Variants in FAM227B observed in about 807,000 individuals in gnomAD.
FAM227B encodes family with sequence similarity 227 member B.
A neutral mutation model predicts 73.8 loss-of-function variants in FAM227B; 88 were observed. The observed-to-expected ratio is 1.19, with a 90% CI of 1.00 to 1.42. FAM227B has a LOEUF of 1.42. Among genes scored for constraint, FAM227B ranks in the 40% most tolerant of loss-of-function variants. The pLI, the probability that FAM227B is intolerant of heterozygous loss-of-function variation, is 0.00. For missense variants in FAM227B, 632 were observed against 590.9 expected (o/e 1.07, Z -0.72); for synonymous variants, 210 against 190.5 (o/e 1.10, Z -0.84).
intron 9 of FAM227B, among the ~76,000 whole-genome samples, chr15:49,559,997 G>C (rs371482979): frequency 8.6e-5 from 13 of 151,370 alleles, no homozygotes; most frequent in African/African-American, 3.2e-4. Context: ...ACCACCAAAA[G>C]ATCACTCTAG....
At chr15:49,480,302 T>TTTAC (rs1385485755) in intron 11 of FAM227B, among the ~76,000 whole-genome samples, 1 of 151,954 alleles carries the variant, frequency 6.6e-6, no homozygotes, top group Non-Finnish European at 1.5e-5. Context: ...TCACCTTATT[T>TTTAC]TTATTTATTT....
At chr15:49,504,901 A>T (rs910112116) in intron 11 of FAM227B, among the ~76,000 whole-genome samples, 1 of 152,228 alleles carries the variant, frequency 6.6e-6, no homozygotes, top group Non-Finnish European at 1.5e-5. Context: ...CTAGATGTTT[A>T]TCAAAGAGAA....
At chr15:49,422,735 A>T (rs752761425) in intron 11 of FAM227B, 4 of 1,291,978 alleles carry the variant, frequency 3.1e-6, no homozygotes, top group Non-Finnish European at 4.3e-6. Context: ...AATACATAAA[A>T]ATTGTACTTA....
chr15:49,490,756 C>G (rs2057020062), intron 11 of FAM227B, among the ~76,000 whole-genome samples: 1 of 152,012 alleles, frequency 6.6e-6, no homozygotes, highest in Admixed American at 6.6e-5. Flanking sequence ...TACATATCAC[C>G]TTAATGATTC....
intron 11 of FAM227B, among the ~76,000 whole-genome samples, chr15:49,479,308 A>G (rs1165880098): frequency 6.6e-6 from 1 of 152,094 alleles, no homozygotes; most frequent in Non-Finnish European, 1.5e-5. Context: ...TTATGTCAAC[A>G]ATTTGATGCA....
chr15:49,386,422 CA>C (rs59999895), intron 11 of FAM227B, among the ~76,000 whole-genome samples: 12,583 of 151,612 alleles, frequency 0.083, 1,545 homozygotes, highest in African/African-American at 0.27. Flanking sequence ...ACAATGAAAT[CA>C]AGATGGAAAT....
At chr15:49,549,478 C>T (rs967897871) in intron 9 of FAM227B, among the ~76,000 whole-genome samples, 1 of 152,064 alleles carries the variant, frequency 6.6e-6, no homozygotes, top group African/African-American at 2.4e-5. Flanking sequence ...GTGGCCTGGC[C>T]TTCCACAGTG....
chr15:49,536,072 C>CAAAAAAAAAAAAAAAAAAGAAAAAAAAA (rs2070206492), intron 10 of FAM227B, among the ~76,000 whole-genome samples: 1 of 114,012 alleles, frequency 8.8e-6, no homozygotes. Flanking sequence ...GGCAATCAGA[C>CAAAAAAAAAAAAAAAAAAGAAAAAAAAA]AAAAAAAAAA....
intron 13 of FAM227B, among the ~76,000 whole-genome samples, chr15:49,362,499 AC>A (rs1435572577): frequency 2.0e-5 from 3 of 150,424 alleles, no homozygotes; most frequent in African/African-American, 7.3e-5. Context: ...ACCGACTAAT[AC>A]ACTTATAGAT....
intron 11 of FAM227B, among the ~76,000 whole-genome samples, chr15:49,444,793 T>A (rs187756592): frequency 8.4e-4 from 128 of 151,826 alleles, no homozygotes; most frequent in Non-Finnish European, 5.9e-4. Context: ...CAAGAATCAA[T>A]TTAAGCCATC....
intron 11 of FAM227B, among the ~76,000 whole-genome samples, chr15:49,460,709 T>C (rs1470184400): frequency 6.6e-6 from 1 of 152,180 alleles, no homozygotes; most frequent in Non-Finnish European, 1.5e-5. Flanking sequence ...TATATAATAA[T>C]TAAACAATCT....
At chr15:49,372,881 C>G (rs1220127154) in intron 11 of FAM227B, among the ~76,000 whole-genome samples, 1 of 151,930 alleles carries the variant, frequency 6.6e-6, no homozygotes, top group African/African-American at 2.4e-5. Flanking sequence ...AAATATTAGG[C>G]ATTAGCTTGA....
rs114213408 is a variant in FAM227B, at chr15:49,372,722, A to G, written c.1013-1323T>C. ...AAGTGTATCTTAACATCTGAGAAAA[A>G]AGGTGATCTGAGAGGTTTGTTCTAG... On this transcript the variant is annotated intron_variant, in intron 11 of 15. Transcript: ENST00000299338. Among the ~76,000 whole-genome samples, 186 of 152,258 alleles carry G rather than the reference A, an allele frequency of 1.2e-3. 2 individuals are homozygous for G. The highest frequency in any genetic ancestry group is 4.1e-3 in the African/African-American group (171 of 41,558).
At chr15:49,565,864 A>G (rs1197574487) in intron 9 of FAM227B, among the ~76,000 whole-genome samples, 2 of 152,166 alleles carry the variant, frequency 1.3e-5, no homozygotes, top group Non-Finnish European at 2.9e-5. Flanking sequence ...GAAAATGAGA[A>G]AGCAATTCAA....
At chr15:49,465,571 A>G (rs531042261) in intron 11 of FAM227B, among the ~76,000 whole-genome samples, 2 of 146,656 alleles carry the variant, frequency 1.4e-5, no homozygotes, top group Non-Finnish European at 3.0e-5. Flanking sequence ...TAGATTCAAG[A>G]GAGATTTAGC....
intron 9 of FAM227B, among the ~76,000 whole-genome samples, chr15:49,549,265 T>C (rs1458114519): frequency 6.6e-6 from 1 of 151,990 alleles, no homozygotes. Flanking sequence ...GAGGAGCATA[T>C]TGTTTAATTT....
chr15:49,491,525 CT>C (rs1048555383), intron 11 of FAM227B, among the ~76,000 whole-genome samples: 1 of 151,830 alleles, frequency 6.6e-6, no homozygotes, highest in African/African-American at 2.4e-5. Flanking sequence ...TGAGTTTTGT[CT>C]ATACTGTCCC....
At position 49,489,919 on chromosome 15, in the gene FAM227B, G is replaced by GAC. The variant is rs1230991010; in HGVS notation, c.1012+18291_1012+18292insGT. On this transcript the variant is annotated intron_variant, in intron 11 of 15. Coordinates refer to ENST00000299338, the MANE Select transcript of FAM227B (RefSeq NM_152647.3). The stretch of plus-strand genomic sequence containing the variant: ...AGAGAGAGAGAGAGAGAGAGACAGA[G>GAC]AGAGAGACAGAGAGAGAGAGAGAGA... Among the ~76,000 whole-genome samples the GAC allele has an allele frequency of 4.9e-4, 11 of 22,498 alleles. 2 individuals carry two copies. Among genetic ancestry groups the GAC allele is most frequent in the South Asian group, 3.5e-3 (3 of 852 alleles). The allele number at this position is 22,498 out of a possible 152,430, so 14.8% of individuals were successfully genotyped here. A position where few individuals can be genotyped will look rare whatever the true frequency, so the allele number is the denominator to read the frequency against.
At chr15:49,521,227 T>C (rs917939872) in intron 10 of FAM227B, among the ~76,000 whole-genome samples, 2 of 152,194 alleles carry the variant, frequency 1.3e-5, no homozygotes, top group Non-Finnish European at 2.9e-5. Context: ...ACTCTGACTT[T>C]GGCAATCACA....
Sources: allele counts gnomAD v4.1 joint callset (sites outside exome capture counted in the v4.1 genomes callset), GRCh38; gene constraint gnomAD v4.1.1; transcripts MANE v1.5; gene names NCBI Gene and HGNC (gene_info 2026-07-23, HGNC 2026-07-21).